The following ZNF804B variants were observed in gnomAD, a reference collection of about 807,000 sequenced individuals.
The protein encoded by ZNF804B is zinc finger 804B.
A neutral mutation model predicts 101.4 loss-of-function variants in ZNF804B; 80 were observed. The ratio of observed to expected loss-of-function variants is 0.79; its 90% CI spans 0.66 to 0.95. The LOEUF is 0.95. Among genes scored for constraint, ZNF804B ranks in the 40% least tolerant of loss-of-function variants. The pLI is 0.00. For synonymous variants in ZNF804B, 622 were observed against 558.8 expected (o/e 1.11, Z -1.59); for missense variants, 1,673 against 1,561.9 (o/e 1.07, Z -1.20).
intron 2 of ZNF804B, among the ~76,000 whole-genome samples, chr7:89,245,639 A>G (rs921271865): frequency 2.0e-5 from 3 of 152,316 alleles, no homozygotes; most frequent in East Asian, 3.9e-4. Flanking sequence ...TTTTTCCAAG[A>G]TGGTGGATTA....
At chr7:89,149,428 C>T (rs1790837549) in intron 1 of ZNF804B, among the ~76,000 whole-genome samples, 1 of 151,976 alleles carries the variant, frequency 6.6e-6, no homozygotes. Flanking sequence ...CTATGTTTGC[C>T]AGCCTTATAG....
rs869097226 is a variant in ZNF804B, at chr7:88,877,049, A to ATTT, written c.108+116991_108+116993dup. On this transcript the variant is annotated intron_variant, in intron 1 of 3. Coordinates refer to ENST00000333190, the MANE Select transcript of ZNF804B (RefSeq NM_181646.5). ...ATAATATATATATATATATATATAT[A>ATTT]TTTTTTTTTTTTTTTTTTTTTTTTT... is the stretch of plus-strand genomic sequence containing the variant. Among the ~76,000 whole-genome samples, 53 of 13,916 alleles carry ATTT rather than the reference A, an allele frequency of 3.8e-3. 2 individuals carry two copies. Among genetic ancestry groups the ATTT allele is most frequent in the South Asian group, 5.0e-3 (1 of 202 alleles). 9.1% of individuals were successfully genotyped at this position (13,916 alleles called of 152,430 possible).
At chr7:88,958,334 C>A (rs750375602) in intron 1 of ZNF804B, among the ~76,000 whole-genome samples, 1 of 151,440 alleles carries the variant, frequency 6.6e-6, no homozygotes, top group Non-Finnish European at 1.5e-5. Context: ...AATGGAGGCT[C>A]CTCGTGCATA....
At chr7:89,146,941 G>C (rs1336430403) in intron 1 of ZNF804B, among the ~76,000 whole-genome samples, 1 of 151,546 alleles carries the variant, frequency 6.6e-6, no homozygotes, top group Non-Finnish European at 1.5e-5. Flanking sequence ...AAATGGGAAT[G>C]ATCACTTAAG....
intron 2 of ZNF804B, among the ~76,000 whole-genome samples, chr7:89,227,510 A>G (rs191267169): frequency 6.6e-6 from 1 of 152,356 alleles, no homozygotes; most frequent in East Asian, 1.9e-4. Flanking sequence ...AAGTGAACAT[A>G]TAAAATATGA....
chr7:89,133,376 G>T lies in ZNF804B; in HGVS notation c.109-84779G>T, dbSNP rs73393269. Reference sequence around the variant, plus strand: ...TAGAGCCCACCTGACTAAGGATATGGTTGCTTCTGAAAGGCCAACACTGAG... The same window carrying T: ...TAGAGCCCACCTGACTAAGGATATGTTTGCTTCTGAAAGGCCAACACTGAG... On this transcript the variant is annotated intron_variant, in intron 1 of 3. Coordinates refer to ENST00000333190, the MANE Select transcript of ZNF804B (RefSeq NM_181646.5). 7.4e-3 allele frequency among the ~76,000 whole-genome samples: 1,132 copies of T among 152,146 alleles called. 15 individuals are homozygous for T. Among genetic ancestry groups the T allele is most frequent in the African/African-American group, 0.025 (1,058 of 41,526 alleles).
chr7:89,269,894 C>A (rs1789858952), intron 2 of ZNF804B, among the ~76,000 whole-genome samples: 1 of 152,134 alleles, frequency 6.6e-6, no homozygotes, highest in Admixed American at 6.5e-5. Context: ...ATCCTTTGCC[C>A]ACTTTTTGAT....
intron 1 of ZNF804B, among the ~76,000 whole-genome samples, chr7:89,133,512 T>C (rs867965710): frequency 5.9e-5 from 9 of 152,124 alleles, no homozygotes; most frequent in Middle Eastern, 3.4e-3. Flanking sequence ...TACCATTGCC[T>C]TCATGAGACT....
intron 1 of ZNF804B, among the ~76,000 whole-genome samples, chr7:88,919,418 G>C (rs546389996): frequency 3.0e-4 from 45 of 152,158 alleles, no homozygotes; most frequent in Non-Finnish European, 5.6e-4. Flanking sequence ...TCAAATAAAG[G>C]CACGATGATA....
At chr7:89,201,370 G>A (rs571113209) in intron 1 of ZNF804B, among the ~76,000 whole-genome samples, 2 of 152,090 alleles carry the variant, frequency 1.3e-5, no homozygotes, top group South Asian at 2.1e-4. Context: ...TGACCAATTC[G>A]AAGTGAACTC....
At chr7:89,190,638 A>C (rs778611292) in intron 1 of ZNF804B, among the ~76,000 whole-genome samples, 1 of 152,166 alleles carries the variant, frequency 6.6e-6, no homozygotes, top group Non-Finnish European at 1.5e-5. Context: ...ACTGCTATCA[A>C]ACAGCACTGC....
intron 1 of ZNF804B, among the ~76,000 whole-genome samples, chr7:88,885,161 C>T (rs1792106951): frequency 6.6e-6 from 1 of 151,826 alleles, no homozygotes; most frequent in Admixed American, 6.6e-5. Context: ...AGTTTATGTA[C>T]TAAAGATTCC....
chr7:88,830,977 G>A (rs1236478635), intron 1 of ZNF804B, among the ~76,000 whole-genome samples: 2 of 151,350 alleles, frequency 1.3e-5, no homozygotes, highest in East Asian at 3.9e-4. Context: ...CTCTTTATTT[G>A]TGATATATGT....
intron 1 of ZNF804B, among the ~76,000 whole-genome samples, chr7:88,847,160 T>G (rs140042736): frequency 1.2e-3 from 176 of 152,036 alleles, no homozygotes; most frequent in African/African-American, 4.1e-3. Context: ...TTAGAAAATA[T>G]AAGAAAAATA....
chr7:88,945,288 G>C (rs1793111330), intron 1 of ZNF804B, among the ~76,000 whole-genome samples: 1 of 152,020 alleles, frequency 6.6e-6, no homozygotes, highest in Admixed American at 6.6e-5. Flanking sequence ...AAGGGGTCCA[G>C]TTTCAGTTTT....
At chr7:89,261,653 T>A (rs2115814544) in intron 2 of ZNF804B, among the ~76,000 whole-genome samples, 1 of 152,328 alleles carries the variant, frequency 6.6e-6, no homozygotes. Flanking sequence ...ACACCTAATC[T>A]ATATGGTATA....
chr7:89,098,495 A>C (rs1415398010), intron 1 of ZNF804B, among the ~76,000 whole-genome samples: 1 of 151,934 alleles, frequency 6.6e-6, no homozygotes, highest in Non-Finnish European at 1.5e-5. Context: ...GCTGGTCTGA[A>C]ACTCCTGACC....
Position 88,762,055 on chromosome 7 carries a change from G to T in ZNF804B, c.108+1971G>T, listed in dbSNP as rs1789905869. Among the ~76,000 whole-genome samples the T allele has an allele frequency of 2.0e-5, 3 of 151,984 alleles. No individual in the cohort carries two copies. In the South Asian group the frequency reaches 6.2e-4, roughly 32 times the overall value. On this transcript the variant is annotated intron_variant, in intron 1 of 3. Coordinates refer to ENST00000333190, the MANE Select transcript of ZNF804B (RefSeq NM_181646.5). ...ACTATTTTTATTCACTGCTGGGCTG[G>T]TTTTTACTAAAGTACAAATTAATTT...
intron 1 of ZNF804B, among the ~76,000 whole-genome samples, chr7:88,972,373 A>G (rs1793551883): frequency 6.6e-6 from 1 of 151,410 alleles, no homozygotes; most frequent in Non-Finnish European, 1.5e-5. Context: ...AATTTATTTT[A>G]TTATAAATCA....
Sources: gnomAD v4.1 joint callset for allele counts (sites outside exome capture counted in the v4.1 genomes callset) on GRCh38, gnomAD v4.1.1 for gene constraint, MANE v1.5 for transcripts, NCBI Gene and HGNC (gene_info 2026-07-23, HGNC 2026-07-21) for gene names.